ERBIN: variants seen among roughly 807,000 people sequenced by gnomAD.
ERBIN encodes the protein densin-180-like protein.
ERBIN carries 60 observed loss-of-function variants against 158.4 expected under a neutral mutation model. The ratio of observed to expected loss-of-function variants is 0.38; its 90% confidence interval spans 0.31 to 0.47. ERBIN has a LOEUF of 0.47. Among genes scored for constraint, ERBIN ranks in the 20% least tolerant of loss-of-function variants. The pLI is 0.99. For missense variants in ERBIN, 1,610 were observed against 1,648.0 expected (o/e 0.98, Z 0.40); for synonymous variants, 594 against 557.2 (o/e 1.07, Z -0.93).
intron 22 of ERBIN, among the ~76,000 whole-genome samples, chr5:66,072,727 G>C (rs1761638504): frequency 6.6e-6 from 1 of 152,120 alleles, no homozygotes; most frequent in Admixed American, 6.5e-5. Context: ...TTTGTATATG[G>C]TAGAATAGAT....
intron 15 of ERBIN, among the ~76,000 whole-genome samples, chr5:66,040,515 AC>A (rs2151196324): frequency 6.6e-6 from 1 of 152,066 alleles, no homozygotes; most frequent in South Asian, 2.1e-4. Flanking sequence ...AGTTTGAAAT[AC>A]AGTATCAATT....
intron 13 of ERBIN, among the ~76,000 whole-genome samples, chr5:66,027,934 C>G (rs964349625): frequency 3.3e-5 from 5 of 152,118 alleles, no homozygotes; most frequent in Non-Finnish European, 7.4e-5. Flanking sequence ...TACAAATAAA[C>G]CAAAGCAATG....
intron 1 of ERBIN, among the ~76,000 whole-genome samples, chr5:65,936,260 G>T (rs544609883): frequency 6.6e-6 from 1 of 152,216 alleles, no homozygotes; most frequent in South Asian, 2.1e-4. Context: ...ACACAACCTA[G>T]AATAAGTTGG....
chr5:65,945,949 A>G (rs947185327), intron 1 of ERBIN, among the ~76,000 whole-genome samples: 1 of 152,252 alleles, frequency 6.6e-6, no homozygotes, highest in Admixed American at 6.5e-5. Context: ...GATACAGAAT[A>G]GTTCCATCAT....
At chr5:65,979,718 A>C (rs1474648899) in intron 1 of ERBIN, among the ~76,000 whole-genome samples, 1 of 152,262 alleles carries the variant, frequency 6.6e-6, no homozygotes, top group Non-Finnish European at 1.5e-5. Flanking sequence ...TTGATCAAAT[A>C]GCCTTAATAG....
In ERBIN at chr5:66,053,469, G is replaced by A; in HGVS notation, c.2151G>A (p.Glu717=). The A allele has an allele frequency of 2.5e-6, 4 of 1,596,500 alleles. No homozygotes were observed. The highest frequency in any genetic ancestry group is 3.4e-6 in the Non-Finnish European group (4 of 1,174,820). The part of the protein sequence containing the change: ...QNGDILNSST[E]EKFKAHDKKD... ...GAGATATTTTAAACAGTTCAACAGAGGAAAAGTTCAAAGCTCATGATAAAA... is the reference window on the plus strand; with the variant it reads ...GAGATATTTTAAACAGTTCAACAGAAGAAAAGTTCAAAGCTCATGATAAAA... The change falls in exon 21 of 26, where the codon GAG becomes GAA. Residue 717 remains glutamate, a synonymous_variant. Coordinates refer to ENST00000284037, the MANE Select transcript of ERBIN (RefSeq NM_001253697.2).
At chr5:65,949,019 C>G (rs1746167128) in intron 1 of ERBIN, among the ~76,000 whole-genome samples, 1 of 152,100 alleles carries the variant, frequency 6.6e-6, no homozygotes, top group Non-Finnish European at 1.5e-5. Context: ...CCGCCTTGGC[C>G]TCCCAGAGTT....
intron 21 of ERBIN, chr5:66,068,734 A>G (rs1761250929): frequency 9.2e-6 from 6 of 651,948 alleles, no homozygotes; most frequent in East Asian, 6.0e-5. Flanking sequence ...AATGGTTCCA[A>G]TTTCTTTCAC....
intron 1 of ERBIN, among the ~76,000 whole-genome samples, chr5:65,956,450 C>G (rs1367738577): frequency 7.0e-6 from 1 of 142,928 alleles, no homozygotes; most frequent in African/African-American, 2.6e-5. Context: ...GATCTCGGCT[C>G]ACTGCAACCT....
chr5:65,949,959 A>T (rs1042266413), intron 1 of ERBIN, among the ~76,000 whole-genome samples: 2 of 149,388 alleles, frequency 1.3e-5, no homozygotes, highest in African/African-American at 5.0e-5. Context: ...GGCGTGAGCC[A>T]CTACAGTATG....
rs1274892660 is a variant in ERBIN at position 66,050,776 on chromosome 5, G to A, written c.1904-7G>A. ...TTATCATTAATCTTAAATTTGTTTTGTTTCAGATGATACAAAGGAAACAGA... is the reference window on the plus strand; with the variant it reads ...TTATCATTAATCTTAAATTTGTTTTATTTCAGATGATACAAAGGAAACAGA... On this transcript the variant is annotated splice_region_variant and splice_polypyrimidine_tract_variant and intron_variant, in intron 19 of 25. Transcript: ENST00000284037. The A allele has an allele frequency of 6.6e-7, 1 of 1,505,924 alleles. No individual in the cohort carries two copies. Among genetic ancestry groups the A allele is most frequent in the South Asian group, 1.3e-5 (1 of 76,050 alleles). The allele number at this position is 1,505,924 out of a possible 1,614,324, so 93.3% of individuals were successfully genotyped here.
chr5:66,070,225 A>G (rs1761405167), intron 21 of ERBIN, among the ~76,000 whole-genome samples: 1 of 151,924 alleles, frequency 6.6e-6, no homozygotes, highest in African/African-American at 2.4e-5. Context: ...TTGCATTTTT[A>G]GTAGAGACGG....
Position 66,044,284 on chromosome 5 carries a change from G to A in ERBIN, c.1576G>A (p.Asp526Asn), listed in dbSNP as rs1157237001. ...RDLKPHEDQQ[D>N]INKDVGVKTS... ...TTTGAAACCACATGAAGATCAACAA[G>A]ATATAAATAAAGATGTGGGTGTGAA... The change falls in exon 17 of 26, where the codon GAT (aspartate) becomes AAT (asparagine). Residue 526 changes from aspartate (D) to asparagine (N), a missense_variant. Asp to Asn is a conservative substitution (Grantham distance 23). Around this residue, in one of 2 missense-constraint regions of ERBIN, gnomAD observed 596 missense variants for 711.9 expected, o/e 0.84. Coordinates refer to ENST00000284037, the MANE Select transcript of ERBIN (RefSeq NM_001253697.2). The A allele has an allele frequency of 6.3e-7, 1 of 1,599,726 alleles. No individual in the cohort carries two copies. The highest frequency in any genetic ancestry group is 2.2e-5 in the East Asian group (1 of 44,630).
intron 1 of ERBIN, among the ~76,000 whole-genome samples, chr5:65,943,987 C>T (rs1343425088): frequency 6.6e-6 from 1 of 152,128 alleles, no homozygotes; most frequent in Non-Finnish European, 1.5e-5. Flanking sequence ...AATTTCCTTC[C>T]TAAGACCAAA....
intron 11 of ERBIN, 88 bp downstream of exon 11, chr5:66,025,640 C>G (rs944213939): frequency 2.7e-6 from 3 of 1,103,840 alleles, no homozygotes; most frequent in Non-Finnish European, 4.1e-6. Flanking sequence ...GCATAAATGA[C>G]CTAAAGATTT....
intron 1 of ERBIN, among the ~76,000 whole-genome samples, chr5:65,958,636 G>C (rs57101965): frequency 0.026 from 3,926 of 151,092 alleles, 75 homozygotes; most frequent in Admixed American, 0.05. Context: ...CGTGGGGAGA[G>C]GGGGAGAGAG....
chr5:65,987,487 A>G (rs536559884), intron 1 of ERBIN, among the ~76,000 whole-genome samples: 1 of 152,206 alleles, frequency 6.6e-6, no homozygotes, highest in Admixed American at 6.5e-5. Context: ...CTTTGAGCCC[A>G]GGAGGTTGAG....
At chr5:65,992,413 C>T (rs1404438932) in intron 2 of ERBIN, among the ~76,000 whole-genome samples, 1 of 152,092 alleles carries the variant, frequency 6.6e-6, no homozygotes, top group Non-Finnish European at 1.5e-5. Context: ...TCCCAAAGTG[C>T]TGGGATTACA....
chr5:66,054,573 T>C lies in ERBIN; in HGVS notation c.3255T>C (p.Ser1085=). 1 of 1,614,166 alleles carries C rather than the reference T, an allele frequency of 6.2e-7. No individual in the cohort carries two copies. Among genetic ancestry groups the C allele is most frequent in the Non-Finnish European group, 8.5e-7 (1 of 1,180,022 alleles). Residue 1085 remains serine, a synonymous_variant, in exon 21 of 26, where the codon TCT becomes TCC. Coordinates refer to ENST00000284037, the MANE Select transcript of ERBIN (RefSeq NM_001253697.2). ...QRQSSVSSTA[S]VNLGDPGSTR... ...AAAGTAGTGTGTCCTCCACAGCCTC[T>C]GTAAATCTTGGTGATCCAGGCTCTA...
Sources: allele counts gnomAD v4.1 joint callset (sites outside exome capture counted in the v4.1 genomes callset), GRCh38; gene constraint gnomAD v4.1.1; regional missense constraint gnomAD v4.1.1; transcripts MANE v1.5; gene names NCBI Gene and HGNC (gene_info 2026-07-23, HGNC 2026-07-21).